NMNAT3: variants seen among roughly 807,000 people sequenced by gnomAD.
The protein encoded by NMNAT3 is nicotinamide nucleotide adenylyltransferase 3.
A neutral mutation model predicts 24.8 loss-of-function variants in NMNAT3; 21 were observed. That is an observed-to-expected ratio of 0.85 (90% CI 0.60 to 1.22). NMNAT3 has a LOEUF of 1.22. Ranked by LOEUF, NMNAT3 falls within the 50% of genes most tolerant of loss-of-function variation. The pLI is 0.00. For synonymous variants in NMNAT3, 136 were observed against 155.2 expected (o/e 0.88, Z 0.92); for missense variants, 387 against 436.6 (o/e 0.89, Z 1.01).
intron 6 of NMNAT3, among the ~76,000 whole-genome samples, chr3:139,564,864 T>C (rs1936936112): frequency 6.6e-6 from 1 of 152,218 alleles, no homozygotes; most frequent in African/African-American, 2.4e-5. Context: ...ACTGTGTTCA[T>C]TATGGAATGT....
chr3:139,575,453 C>G, intron 5 of NMNAT3: 1 of 263,900 alleles, frequency 3.8e-6, no homozygotes, highest in Non-Finnish European at 5.9e-6. Flanking sequence ...ATCTCCATGT[C>G]CTTATATATA....
At chr3:139,564,694 A>G (rs1257730755) in intron 6 of NMNAT3, among the ~76,000 whole-genome samples, 1 of 152,252 alleles carries the variant, frequency 6.6e-6, no homozygotes, top group Non-Finnish European at 1.5e-5. Context: ...CCCAGAGTAT[A>G]ACAGCACACC....
chr3:139,628,284 T>G (rs1181702836), intron 2 of NMNAT3, among the ~76,000 whole-genome samples: 1 of 152,260 alleles, frequency 6.6e-6, no homozygotes, highest in African/African-American at 2.4e-5. Context: ...TTATACTCTT[T>G]ATCCAGATTC....
intron 6 of NMNAT3, among the ~76,000 whole-genome samples, chr3:139,563,411 C>G (rs1186141069): frequency 1.3e-5 from 2 of 152,190 alleles, no homozygotes; most frequent in African/African-American, 4.8e-5. Flanking sequence ...GGACACACCC[C>G]CTCTCTTCCT....
chr3:139,563,728 G>C (rs422025), intron 6 of NMNAT3, among the ~76,000 whole-genome samples: 50,771 of 151,988 alleles, frequency 0.33, 10,200 homozygotes, highest in South Asian at 0.61. Flanking sequence ...CTGTCTTCAG[G>C]GCTCACAAAC....
Position 139,665,836 on chromosome 3 carries a change from A to G in NMNAT3, c.-141+11869T>C, listed in dbSNP as rs570621067. On this transcript the variant is annotated intron_variant, in intron 1 of 6. Coordinates refer to ENST00000643695, the MANE Select transcript of NMNAT3 (RefSeq NM_001320510.2). ...GCAAAATGTAGAACAGAGAGTATGA[A>G]ATATTGTTTTGTATAAAAAGAGTGA... Among the ~76,000 whole-genome samples the G allele has an allele frequency of 1.9e-4, 29 of 152,216 alleles. No individual in the cohort carries two copies. The South Asian group carries it at 5.8e-3, about 30-fold the overall frequency.
intron 1 of NMNAT3, among the ~76,000 whole-genome samples, chr3:139,646,439 T>C (rs558553901): frequency 6.8e-4 from 104 of 152,306 alleles, no homozygotes; most frequent in African/African-American, 2.4e-3. Context: ...CTGTTTCAGG[T>C]GGGGCAGTCC....
At chr3:139,675,135 T>TACACACACACACAAACACACAC (rs2057886008) in intron 1 of NMNAT3, among the ~76,000 whole-genome samples, 1 of 148,226 alleles carries the variant, frequency 6.7e-6, no homozygotes, top group South Asian at 2.2e-4. Context: ...CTTTTAAACA[T>TACACACACACACAAACACACAC]ACACACACAC....
At chr3:139,575,657 A>T in intron 5 of NMNAT3, 1 of 1,017,006 alleles carries the variant, frequency 9.8e-7, no homozygotes. Flanking sequence ...GGAAATAATT[A>T]CTTCCAATAC....
chr3:139,666,006 T>C (rs1343871605), intron 1 of NMNAT3, among the ~76,000 whole-genome samples: 2 of 152,228 alleles, frequency 1.3e-5, no homozygotes, highest in East Asian at 1.9e-4. Flanking sequence ...TTTTGAATCA[T>C]GTAAATATGT....
intron 2 of NMNAT3, 44 bp from the exon 3 acceptor site, chr3:139,634,691 T>G (rs1442231967): frequency 6.6e-6 from 1 of 152,160 alleles, no homozygotes; most frequent in African/African-American, 2.4e-5. Context: ...ATCCTAATTA[T>G]GAGACTCCCA....
At chr3:139,654,418 GC>G (rs1331220458) in intron 1 of NMNAT3, among the ~76,000 whole-genome samples, 1 of 152,204 alleles carries the variant, frequency 6.6e-6, no homozygotes, top group African/African-American at 2.4e-5. Flanking sequence ...AAGAAAACTT[GC>G]TTTCTGAGCT....
At chr3:139,618,935 T>C (rs990953244) in intron 3 of NMNAT3, among the ~76,000 whole-genome samples, 4 of 152,172 alleles carry the variant, frequency 2.6e-5, no homozygotes, top group African/African-American at 9.7e-5. Flanking sequence ...CCTCCCCATC[T>C]TGTCAGCCTT....
chr3:139,584,223 G>C (rs1362473298), intron 3 of NMNAT3: 5 of 153,678 alleles, frequency 3.3e-5, no homozygotes, highest in Non-Finnish European at 7.3e-5. Context: ...AACTTGTTTG[G>C]AGGTTCTAGC....
intron 2 of NMNAT3, chr3:139,637,199 A>C (rs540079786): frequency 6.6e-6 from 1 of 152,350 alleles, no homozygotes; most frequent in South Asian, 2.1e-4. Context: ...TTAAAACAAT[A>C]AAGGTTTATT....
chr3:139,589,072 AAGAC>A (rs1190669444), intron 3 of NMNAT3, among the ~76,000 whole-genome samples: 1 of 152,202 alleles, frequency 6.6e-6, no homozygotes, highest in African/African-American at 2.4e-5. Flanking sequence ...CTCACCATGA[AAGAC>A]AGAGACTAAA....
chr3:139,665,629 C>T (rs566261448), intron 1 of NMNAT3, among the ~76,000 whole-genome samples: 53 of 151,448 alleles, frequency 3.5e-4, no homozygotes, highest in African/African-American at 4.9e-4. Flanking sequence ...TTGTCTGTAA[C>T]GGTAAAAAAT....
chr3:139,616,805 C>T (rs1310771114), intron 3 of NMNAT3, among the ~76,000 whole-genome samples: 5 of 152,074 alleles, frequency 3.3e-5, no homozygotes, highest in East Asian at 1.9e-4. Flanking sequence ...GCAGGGTGGA[C>T]GCATATATTC....
intron 1 of NMNAT3, among the ~76,000 whole-genome samples, chr3:139,666,563 C>G (rs1280248565): frequency 6.6e-6 from 1 of 152,216 alleles, no homozygotes; most frequent in African/African-American, 2.4e-5. Flanking sequence ...TCCATAACCT[C>G]AAATATTTAC....
Sources: gnomAD v4.1 joint callset for allele counts (sites outside exome capture counted in the v4.1 genomes callset) on GRCh38, gnomAD v4.1.1 for gene constraint, MANE v1.5 for transcripts, NCBI Gene and HGNC (gene_info 2026-07-23, HGNC 2026-07-21) for gene names.